DIAPH3: variants seen among roughly 807,000 people sequenced by gnomAD.
DIAPH3 encodes the protein protein diaphanous homolog 3.
In DIAPH3, 117 loss-of-function variants were observed where a neutral mutation model predicts 144.3. The observed-to-expected ratio is 0.81, with a 90% CI of 0.70 to 0.95. The LOEUF (loss-of-function observed/expected upper bound fraction) is 0.95. Among genes scored for constraint, DIAPH3 ranks in the 40% least tolerant of loss-of-function variants. The pLI is 0.00. For missense variants in DIAPH3, 1,421 were observed against 1,412.7 expected (o/e 1.01, Z -0.09); for synonymous variants, 519 against 488.9 (o/e 1.06, Z -0.81).
At chr13:59,864,773 G>A (rs1273363643) in intron 21 of DIAPH3, among the ~76,000 whole-genome samples, 2 of 151,970 alleles carry the variant, frequency 1.3e-5, no homozygotes, top group East Asian at 3.9e-4. Flanking sequence ...TTAGGAGGAG[G>A]GTGCTACCAT....
intron 3 of DIAPH3, among the ~76,000 whole-genome samples, chr13:60,096,353 G>A (rs2058103975): frequency 6.6e-6 from 1 of 152,148 alleles, no homozygotes; most frequent in African/African-American, 2.4e-5. Context: ...ATTTCAAGGT[G>A]AGTAGTAGAA....
chr13:59,678,399 T>C (rs1299114663), intron 27 of DIAPH3, among the ~76,000 whole-genome samples: 2 of 152,224 alleles, frequency 1.3e-5, no homozygotes, highest in Non-Finnish European at 2.9e-5. Flanking sequence ...TGCCTCCTAC[T>C]GTCAGTTTGA....
intron 24 of DIAPH3, among the ~76,000 whole-genome samples, chr13:59,817,912 C>G (rs1016098896): frequency 2.0e-5 from 3 of 151,926 alleles, no homozygotes; most frequent in African/African-American, 4.8e-5. Context: ...ATCTCTCTCA[C>G]TCAATTTATA....
At position 60,095,921 on chromosome 13, in the gene DIAPH3, A is replaced by G. The variant is rs191406180; in HGVS notation, c.391-2189T>C. 2.0e-4 allele frequency among the ~76,000 whole-genome samples: 31 copies of G among 152,298 alleles called. No homozygotes were observed. In the East Asian group the frequency reaches 4.6e-3, roughly 23 times the overall value. ...GTATCTGAATCCCCAAAATAGCACAACTATATCAATCTACCAATCTACAAT... is the reference window on the plus strand; with the variant it reads ...GTATCTGAATCCCCAAAATAGCACAGCTATATCAATCTACCAATCTACAAT... On this transcript the variant is annotated intron_variant, in intron 3 of 27. Transcript: ENST00000400324.
chr13:59,887,045 CT>C (rs1239179698), intron 20 of DIAPH3, among the ~76,000 whole-genome samples: 1 of 151,940 alleles, frequency 6.6e-6, no homozygotes, highest in Non-Finnish European at 1.5e-5. Flanking sequence ...CATGGATGTC[CT>C]TTATCAAAAT....
chr13:60,098,046 GCTAT>G (rs2058158852), intron 3 of DIAPH3, among the ~76,000 whole-genome samples: 1 of 152,076 alleles, frequency 6.6e-6, no homozygotes, highest in Admixed American at 6.6e-5. Context: ...ATCTCCCAAG[GCTAT>G]CTAAGAAACT....
intron 22 of DIAPH3, among the ~76,000 whole-genome samples, chr13:59,853,830 C>T (rs1463187900): frequency 2.6e-5 from 4 of 152,094 alleles, no homozygotes; most frequent in African/African-American, 9.7e-5. Context: ...TTTAATGATA[C>T]ATGCTTTCCA....
chr13:59,699,939 T>C (rs1292509671), intron 27 of DIAPH3, among the ~76,000 whole-genome samples: 5 of 152,206 alleles, frequency 3.3e-5, no homozygotes, highest in African/African-American at 1.2e-4. Flanking sequence ...TCTGTCTCCA[T>C]GGCTTAAACA....
At chr13:60,162,783 ACTCTCTCT>A (rs148955859) in intron 1 of DIAPH3, among the ~76,000 whole-genome samples, 10 of 132,872 alleles carry the variant, frequency 7.5e-5, no homozygotes, top group African/African-American at 2.0e-4. Flanking sequence ...CAAATGCTGT[ACTCTCTCT>A]CTCTCTCTCT....
intron 2 of DIAPH3, among the ~76,000 whole-genome samples, chr13:60,113,328 T>C (rs928683674): frequency 6.6e-6 from 1 of 152,214 alleles, no homozygotes; most frequent in Non-Finnish European, 1.5e-5. Flanking sequence ...AAACGTCTGA[T>C]ACCTCAAAGG....
intron 24 of DIAPH3, among the ~76,000 whole-genome samples, chr13:59,815,694 G>A (rs2040732088): frequency 6.6e-6 from 1 of 152,100 alleles, no homozygotes; most frequent in African/African-American, 2.4e-5. Flanking sequence ...GGGTTCAAGT[G>A]ATCCTCTCAC....
intron 13 of DIAPH3, 111 bp downstream of exon 13, chr13:59,983,658 A>G (rs1420713224): frequency 1.4e-6 from 1 of 718,404 alleles, no homozygotes; most frequent in Non-Finnish European, 2.4e-6. Flanking sequence ...AACAGTTTTG[A>G]CAATTAGGGC....
intron 4 of DIAPH3, among the ~76,000 whole-genome samples, chr13:60,049,424 T>C (rs1291832089): frequency 5.9e-5 from 9 of 152,202 alleles, no homozygotes; most frequent in Admixed American, 5.9e-4. Flanking sequence ...GAACAATTTG[T>C]TGCCTCAAGG....
intron 21 of DIAPH3, among the ~76,000 whole-genome samples, chr13:59,878,420 T>C (rs1056373844): frequency 3.3e-5 from 5 of 152,170 alleles, no homozygotes; most frequent in Non-Finnish European, 7.4e-5. Flanking sequence ...AACTTGTTTT[T>C]CACCTTCCCT....
intron 19 of DIAPH3, among the ~76,000 whole-genome samples, chr13:59,914,584 T>G (rs1446995511): frequency 6.6e-6 from 1 of 152,180 alleles, no homozygotes; most frequent in African/African-American, 2.4e-5. Context: ...ATTATTTGGA[T>G]GTACTCAATG....
At position 60,163,736 on chromosome 13, in the gene DIAPH3, G is replaced by T; in HGVS notation, c.31C>A (p.Pro11Thr). 1.2e-6 allele frequency: 2 copies of T among 1,605,252 alleles called. No individual in the cohort carries two copies. The highest frequency in any genetic ancestry group is 8.5e-7 in the Non-Finnish European group (1 of 1,176,236). MERHQPRLHH[P>T]AQGSAAGTPY... ...GTCCCAGCGGCTGAGCCTTGGGCCG[G>T]GTGGTGCAGCCGCGGCTGGTGCCGT... The change falls in exon 1 of 28, where the codon CCG becomes ACG. Residue 11 changes from proline to threonine, a missense_variant. Transcript: ENST00000400324.
chr13:59,742,801 T>A (rs1019339602), intron 27 of DIAPH3, among the ~76,000 whole-genome samples: 2 of 152,170 alleles, frequency 1.3e-5, no homozygotes, highest in African/African-American at 4.8e-5. Context: ...TATTTGATGT[T>A]GATATTTAAG....
At chr13:60,010,726 C>T (rs2053190552) in intron 7 of DIAPH3, 57 bp from the exon 8 acceptor site, 7 of 1,541,664 alleles carry the variant, frequency 4.5e-6, no homozygotes, top group Non-Finnish European at 6.2e-6. Flanking sequence ...AAAAATAATA[C>T]CCTGAAGGAA....
In DIAPH3 at chr13:60,081,016, C is replaced by T. The variant is rs2057541436; in HGVS notation, c.495+12612G>A. On this transcript the variant is annotated intron_variant, in intron 4 of 27. Coordinates refer to ENST00000400324, the MANE Select transcript of DIAPH3 (RefSeq NM_001042517.2). Reference sequence around the variant, plus strand: ...AGCTCATCAGGCCTGCTTAATTGCACTAACATCTGCAATCAATTTAAATTC... The same window carrying T: ...AGCTCATCAGGCCTGCTTAATTGCATTAACATCTGCAATCAATTTAAATTC... Among the ~76,000 whole-genome samples, 3 of 151,962 alleles carry T rather than the reference C, an allele frequency of 2.0e-5. No individual in the cohort carries two copies. The South Asian group carries it at 6.2e-4, about 31-fold the overall frequency.
Sources: gnomAD v4.1 joint callset for allele counts (sites outside exome capture counted in the v4.1 genomes callset) on GRCh38, gnomAD v4.1.1 for gene constraint, MANE v1.5 for transcripts, NCBI Gene and HGNC (gene_info 2026-07-23, HGNC 2026-07-21) for gene names.